ATP6V0A2: variants seen among roughly 807,000 people sequenced by gnomAD.
The protein encoded by ATP6V0A2 is V-type proton ATPase 116 kDa subunit a 2.
A neutral mutation model predicts 104.4 loss-of-function variants in ATP6V0A2; 58 were observed. The ratio of observed to expected loss-of-function variants is 0.56; its 90% confidence interval spans 0.45 to 0.69. The LOEUF is 0.69. ATP6V0A2 is among the 30% of genes least tolerant of loss of function. The pLI, the probability that ATP6V0A2 is intolerant of heterozygous loss-of-function variation, is 0.00. For missense variants in ATP6V0A2, 938 were observed against 1,062.9 expected (o/e 0.88, Z 1.63); for synonymous variants, 376 against 397.9 (o/e 0.95, Z 0.65).
intron 1 of ATP6V0A2, 73 bp from the exon 2 acceptor site, chr12:123,718,550 G>T: frequency 7.0e-6 from 8 of 1,138,856 alleles, no homozygotes; most frequent in East Asian, 2.6e-5. Context: ...AAACTTTGGT[G>T]ATGTTTTATT....
At chr12:123,742,671 T>C (rs1288565559) in intron 9 of ATP6V0A2, among the ~76,000 whole-genome samples, 1 of 152,066 alleles carries the variant, frequency 6.6e-6, no homozygotes, top group Non-Finnish European at 1.5e-5. Flanking sequence ...ACTCCGTCTC[T>C]ACTAAAAATA....
chr12:123,739,788 T>C (rs12580486), intron 9 of ATP6V0A2, among the ~76,000 whole-genome samples: 90,335 of 151,986 alleles, frequency 0.59, 27,572 homozygotes, highest in East Asian at 0.95. Flanking sequence ...CTCATTTTTT[T>C]CCCCCTTGAG....
intron 1 of ATP6V0A2, among the ~76,000 whole-genome samples, chr12:123,712,896 G>C (rs1956306593): frequency 6.6e-6 from 1 of 152,190 alleles, no homozygotes; most frequent in African/African-American, 2.4e-5. Flanking sequence ...GTCGGCGGCT[G>C]CTCTGCCCCA....
chr12:123,733,931 A>G lies in ATP6V0A2; in HGVS notation c.654A>G (p.Glu218=), dbSNP rs1296005189. The change falls in exon 7 of 20, where the codon GAA becomes GAG. Residue 218 remains glutamate, a synonymous_variant. Transcript: ENST00000330342. ...DESLEDPETG[E]VIKWYVFLIS... ...TCCTTATTCATTCTTTGTAGGGGGA[A>G]GTCATAAAATGGTATGTCTTTTTAA... The G allele has an allele frequency of 3.1e-6, 5 of 1,611,706 alleles. No homozygotes were observed. Among genetic ancestry groups the G allele is most frequent in the Non-Finnish European group, 4.2e-6 (5 of 1,177,830 alleles).
In ATP6V0A2 at chr12:123,756,810, T is replaced by G; in HGVS notation, c.2294-5T>G. 1 of 1,613,688 alleles carries G rather than the reference T, an allele frequency of 6.2e-7. No homozygotes were observed. The highest frequency in any genetic ancestry group is 1.1e-5 in the South Asian group (1 of 91,048). ...ATGACCTGTGCAGGCTGCACTCCTT[T>G]GCAGAGTTGTCTGATGTCCTGTGGG... On this transcript the variant is annotated splice_polypyrimidine_tract_variant and splice_region_variant and intron_variant, in intron 18 of 19. Transcript: ENST00000330342.
chr12:123,754,727 G>A (rs1255192869), intron 18 of ATP6V0A2, 190 bp downstream of exon 18: 7 of 596,820 alleles, frequency 1.2e-5, no homozygotes, highest in Non-Finnish European at 2.1e-5. Context: ...GAGTGCTGTG[G>A]AAAAATCACA....
Position 123,760,003 on chromosome 12 carries a change from A to G in ATP6V0A2, c.*1971A>G, listed in dbSNP as rs1956794496. 1 of 152,182 alleles carries G rather than the reference A, an allele frequency of 6.6e-6. No homozygotes were observed. The highest frequency in any genetic ancestry group is 6.5e-5 in the Admixed American group (1 of 15,270). The allele number at this position is 152,182 out of a possible 1,614,324, so 9.4% of individuals were successfully genotyped here. Reference sequence around the variant, plus strand: ...CCCAGCAGTGCTGGTCAGGTCTCAGAGTTGCTTTCACCTAGAGCTGATGCT... The same window carrying G: ...CCCAGCAGTGCTGGTCAGGTCTCAGGGTTGCTTTCACCTAGAGCTGATGCT... On this transcript the variant is annotated 3_prime_UTR_variant, in exon 20 of 20. Coordinates refer to ENST00000330342, the MANE Select transcript of ATP6V0A2 (RefSeq NM_012463.4).
At chr12:123,732,481 G>A (rs1956510585) in intron 6 of ATP6V0A2, 1 of 152,608 alleles carries the variant, frequency 6.6e-6, no homozygotes, top group Non-Finnish European at 1.5e-5. Flanking sequence ...CAATGGGCCT[G>A]TGGCCCTCGT....
chr12:123,750,345 A>G (rs926658137), intron 15 of ATP6V0A2: 1 of 152,666 alleles, frequency 6.6e-6, no homozygotes, highest in African/African-American at 2.4e-5. Context: ...GCCTGGCTCC[A>G]GCCCAGGACT....
intron 2 of ATP6V0A2, among the ~76,000 whole-genome samples, chr12:123,720,850 G>A (rs1252328736): frequency 6.6e-6 from 1 of 152,076 alleles, no homozygotes; most frequent in Non-Finnish European, 1.5e-5. Flanking sequence ...GGGCAACATA[G>A]TGAGACCCCT....
At chr12:123,713,460 C>G (rs1593878963) in intron 1 of ATP6V0A2, among the ~76,000 whole-genome samples, 1 of 152,260 alleles carries the variant, frequency 6.6e-6, no homozygotes, top group Non-Finnish European at 1.5e-5. Flanking sequence ...GACTGTCAAC[C>G]TCTGAGAGTA....
intron 14 of ATP6V0A2, among the ~76,000 whole-genome samples, chr12:123,748,254 A>G (rs1956681433): frequency 1.3e-5 from 2 of 152,224 alleles, no homozygotes; most frequent in South Asian, 4.1e-4. Flanking sequence ...AAAAACTTGT[A>G]ACAATGTAAG....
chr12:123,728,215 T>C (rs1956466069), intron 6 of ATP6V0A2, among the ~76,000 whole-genome samples: 2 of 152,134 alleles, frequency 1.3e-5, no homozygotes, highest in Admixed American at 1.3e-4. Flanking sequence ...TAGCATTGCG[T>C]GTTGGATTTA....
At chr12:123,731,651 C>T (rs1349456277) in intron 6 of ATP6V0A2, 1 of 152,300 alleles carries the variant, frequency 6.6e-6, no homozygotes, top group Non-Finnish European at 1.5e-5. Context: ...CCTTGGCCCC[C>T]TGAAGTGTTG....
intron 2 of ATP6V0A2, among the ~76,000 whole-genome samples, chr12:123,719,904 T>C (rs1956382275): frequency 6.6e-6 from 1 of 152,162 alleles, no homozygotes; most frequent in African/African-American, 2.4e-5. Context: ...GGTCACAAGG[T>C]GATACATGGC....
rs112415338 is a variant in ATP6V0A2 at position 123,747,595 on chromosome 12, G to A, written c.1606-12G>A. The A allele has an allele frequency of 2.2e-3, 3,348 of 1,547,132 alleles. 56 individuals are homozygous for A. In the African/African-American group the frequency reaches 0.038, roughly 18 times the overall value. On this transcript the variant is annotated splice_polypyrimidine_tract_variant and intron_variant, in intron 13 of 19. Coordinates refer to ENST00000330342, the MANE Select transcript of ATP6V0A2 (RefSeq NM_012463.4). Reference sequence around the variant, plus strand: ...TAAAGATTCTGTTTTGTCTTGTTTGGTTTGGTTTTAGATTTGGAACTTGGC... The same window carrying A: ...TAAAGATTCTGTTTTGTCTTGTTTGATTTGGTTTTAGATTTGGAACTTGGC...
rs373576446 is a variant in ATP6V0A2, at chr12:123,758,014, C to T, written c.2553C>T (p.Asn851=). Residue 851 remains asparagine (N), a synonymous_variant, in exon 20 of 20, where the codon AAC becomes AAT. Coordinates refer to ENST00000330342, the MANE Select transcript of ATP6V0A2 (RefSeq NM_012463.4). ...GTCTACTTTCATCAAAGTTCAATAA[C>T]GACGACAGTGTGGCATGATCATATT... ...SFSLLSSKFN[N]DDSVA 27 of 1,610,534 alleles carry T rather than the reference C, an allele frequency of 1.7e-5. No homozygotes were observed. Among genetic ancestry groups the T allele is most frequent in the African/African-American group, 5.4e-5 (4 of 74,612 alleles).
At position 123,726,199 on chromosome 12, in the gene ATP6V0A2, T is replaced by G. The variant is rs772179448; in HGVS notation, c.435T>G (p.Phe145Leu). The change falls in exon 5 of 20, where the codon TTT becomes TTG. Residue 145 changes from phenylalanine (F) to leucine (L), a missense_variant and splice_region_variant. Physicochemically the swap from Phe to Leu is conservative, Grantham distance 22. Coordinates refer to ENST00000330342, the MANE Select transcript of ATP6V0A2 (RefSeq NM_012463.4). ...TKTFVKRNVE[F>L]EPTYEEFPSL... ...TGGTTTCATATGTTTATTTCTAGTT[T>G]GAACCCACTTATGAAGAATTCCCTT... The G allele has an allele frequency of 4.4e-6, 7 of 1,607,078 alleles. No individual in the cohort carries two copies. In the Admixed American group the frequency reaches 1.2e-4, roughly 27 times the overall value.
intron 9 of ATP6V0A2, among the ~76,000 whole-genome samples, chr12:123,740,995 A>G (rs10744160): frequency 0.54 from 82,153 of 151,728 alleles, 24,102 homozygotes; most frequent in East Asian, 0.94. Flanking sequence ...AGTAAGTTAC[A>G]ATGGTTTTAT....
Sources: gnomAD v4.1 joint callset for allele counts (sites outside exome capture counted in the v4.1 genomes callset) on GRCh38, gnomAD v4.1.1 for gene constraint, MANE v1.5 for transcripts, NCBI Gene and HGNC (gene_info 2026-07-23, HGNC 2026-07-21) for gene names.